IGSF9: variants seen among roughly 807,000 people sequenced by gnomAD.
IGSF9 encodes the protein immunoglobulin superfamily member 9.
In IGSF9, 87 loss-of-function variants were observed where a neutral mutation model predicts 121.7. The observed-to-expected ratio is 0.71, with a 90% CI of 0.60 to 0.85. IGSF9 has a LOEUF of 0.85. IGSF9 is among the 40% of genes least tolerant of loss of function. IGSF9 has a pLI of 0.00. For synonymous variants in IGSF9, 640 were observed against 648.4 expected, an observed-to-expected ratio of 0.99 and a Z score of 0.20; for missense variants, 1,462 against 1,565.3, an observed-to-expected ratio of 0.93 and a Z score of 1.11.
Position 159,930,755 on chromosome 1 carries a change from C to T in IGSF9, c.1750G>A (p.Val584Met), listed in dbSNP as rs757758969. 25 of 1,614,036 alleles carry T rather than the reference C, an allele frequency of 1.5e-5. No individual in the cohort carries two copies. Among genetic ancestry groups the T allele is most frequent in the South Asian group, 2.2e-5 (2 of 91,090 alleles). ...CTCCCCAGCTTGTTCTGAGCTAGCA[C>T]GCTGAACTGGTACTGGGTGTGGGGC... ...LQPHTQYQFS[V>M]LAQNKLGSGP... The change falls in exon 14 of 21, where the codon GTG becomes ATG. Residue 584 changes from valine to methionine, a missense_variant. Around this residue, in one of 3 missense-constraint regions of IGSF9, gnomAD observed 808 missense variants for 815.2 expected, o/e 0.99. Coordinates refer to ENST00000368094, the MANE Select transcript of IGSF9 (RefSeq NM_001135050.2).
At chr1:159,939,231 G>A (rs1442984920) in intron 3 of IGSF9, among the ~76,000 whole-genome samples, 1 of 152,038 alleles carries the variant, frequency 6.6e-6, no homozygotes, top group Admixed American at 6.5e-5. Flanking sequence ...AACAAATGGA[G>A]CTTTCTTTTT....
At position 159,930,337 on chromosome 1, in the gene IGSF9, A is replaced by AC. The variant is rs1392664646; in HGVS notation, c.1915dup (p.Val639GlyfsTer13). On this transcript the variant is annotated frameshift_variant, in exon 15 of 21. Coordinates refer to ENST00000368094, the MANE Select transcript of IGSF9 (RefSeq NM_001135050.2). LOFTEE classifies it high-confidence loss of function. Reference sequence around the variant, plus strand: ...CTCTGGGGGATCCCAATGCAGGAGTACCCCCCGGGGTGTCCTCACTGCCAC... The same window carrying AC: ...CTCTGGGGGATCCCAATGCAGGAGTACCCCCCCGGGGTGTCCTCACTGCCAC... The AC allele has an allele frequency of 6.2e-6, 10 of 1,611,378 alleles. No homozygotes were observed. The highest frequency in any genetic ancestry group is 4.5e-5 in the East Asian group (2 of 44,776).
Position 159,927,152 on chromosome 1 carries a change from C to T in IGSF9, c.*193G>A, listed in dbSNP as rs1447097670. 8.4e-6 allele frequency: 5 copies of T among 593,268 alleles called. No individual in the cohort carries two copies. Among genetic ancestry groups the T allele is most frequent in the Non-Finnish European group, 1.5e-5 (5 of 334,558 alleles). 36.8% of individuals were successfully genotyped at this position (593,268 alleles called of 1,614,324 possible). A position where few individuals can be genotyped will look rare whatever the true frequency, so the allele number is the denominator to read the frequency against. Reference sequence around the variant, plus strand: ...GAGAGGCAGACCTAAGATCCCTGTTCCAATCCCCAGACTCACCTAGGGGGT... The same window carrying T: ...GAGAGGCAGACCTAAGATCCCTGTTTCAATCCCCAGACTCACCTAGGGGGT... On this transcript the variant is annotated 3_prime_UTR_variant, in exon 21 of 21. Coordinates refer to ENST00000368094, the MANE Select transcript of IGSF9 (RefSeq NM_001135050.2).
intron 3 of IGSF9, among the ~76,000 whole-genome samples, chr1:159,939,747 AAG>A (rs1651315876): frequency 6.6e-6 from 1 of 152,232 alleles, no homozygotes; most frequent in African/African-American, 2.4e-5. Context: ...GATCTTAGCC[AAG>A]AGTCTTTTTC....
Position 159,930,165 on chromosome 1 carries a change from CTCTG to C in IGSF9, c.2064+20_2064+23del. On this transcript the variant is annotated intron_variant, in intron 15 of 20. Transcript: ENST00000368094. Reference sequence around the variant, plus strand: ...GCAGGAGAGCCCCTAGGAGGCCTCTCTCTGTATCGCCTTTCGCACATACCTTGAT... The same window carrying C: ...GCAGGAGAGCCCCTAGGAGGCCTCTCTATCGCCTTTCGCACATACCTTGAT... 6.3e-7 allele frequency: 1 copy of C among 1,579,090 alleles called. No homozygotes were observed. The highest frequency in any genetic ancestry group is 8.6e-7 in the Non-Finnish European group (1 of 1,159,214).
rs143442822 is a variant in IGSF9 at position 159,943,057 on chromosome 1, G to T, written c.153C>A (p.Pro51=). The T allele has an allele frequency of 1.3e-3, 2,087 of 1,613,350 alleles. 4 individuals are homozygous for T. Among genetic ancestry groups the T allele is most frequent in the Non-Finnish European group, 1.6e-3 (1,832 of 1,179,662 alleles). The change falls in exon 3 of 21, where the codon CCC becomes CCA. Residue 51 remains proline (P), a synonymous_variant. Coordinates refer to ENST00000368094, the MANE Select transcript of IGSF9 (RefSeq NM_001135050.2). The part of the protein sequence containing the change: ...CDLLPPAGRP[P]LHVIEWLRFG... ...AGCGCAGCCACTCGATGACATGCAG[G>T]GGGGGCCGGCCGGCCGGGGGCAGCA...
chr1:159,928,915 C>T lies in IGSF9; in HGVS notation c.2473G>A (p.Gly825Arg), dbSNP rs920606411. The T allele has an allele frequency of 4.4e-6, 7 of 1,587,836 alleles. No homozygotes were observed. In the Admixed American group the frequency reaches 7.2e-5, roughly 16 times the overall value. ...GGATCCGGGTGGGGGCTGGGAGTTC[C>T]GGCAGGATCCCCCCAGAGCAGACTC... The part of the protein sequence containing the change: ...RQSLLWGDPA[G>R]TPSPHPDPPS... The change falls in exon 19 of 21, where the codon GGA (glycine) becomes AGA (arginine). Residue 825 changes from glycine (G) to arginine (R), a missense_variant. Coordinates refer to ENST00000368094, the MANE Select transcript of IGSF9 (RefSeq NM_001135050.2).
chr1:159,932,658 A>G lies in IGSF9; in HGVS notation c.1105-6T>C. 1 of 1,608,702 alleles carries G rather than the reference A, an allele frequency of 6.2e-7. No homozygotes were observed. The highest frequency in any genetic ancestry group is 2.2e-5 in the East Asian group (1 of 44,760). On this transcript the variant is annotated splice_region_variant and splice_polypyrimidine_tract_variant and intron_variant, in intron 9 of 20. Coordinates refer to ENST00000368094, the MANE Select transcript of IGSF9 (RefSeq NM_001135050.2). The surrounding 1 kb of genome is among the most constrained non-coding windows in gnomAD (Gnocchi z 4.1). ...CCCTGGGACCAGCCAGGGAACTGGA[A>G]GGAAGAGAAGATGACAGCTAGAGAG... is the stretch of plus-strand genomic sequence containing the variant.
chr1:159,934,228 T>G lies in IGSF9; in HGVS notation c.1066A>C (p.Ser356Arg), dbSNP rs1291696765. The stretch of plus-strand genomic sequence containing the variant: ...AGGGCCTTTCCATCCTTGGTCCAGC[T>G]GACAAAGAGCAGTGGGGGGTTGGCA... ...VRANPPLLFV[S>R]WTKDGKALQL... The change falls in exon 9 of 21, where the codon AGC becomes CGC. Residue 356 changes from serine (S) to arginine (R), a missense_variant. By Grantham distance (110) the Ser-to-Arg change is moderately radical (BLOSUM62 -1). This residue lies in a region of IGSF9 where 558 missense variants were observed against 599.4 expected (regional missense o/e 0.93). Transcript: ENST00000368094. 1 of 1,614,010 alleles carries G rather than the reference T, an allele frequency of 6.2e-7. No homozygotes were observed. The highest frequency in any genetic ancestry group is 1.1e-5 in the South Asian group (1 of 91,012).
chr1:159,939,857 C>T (rs1252671021), intron 3 of IGSF9, among the ~76,000 whole-genome samples: 1 of 152,044 alleles, frequency 6.6e-6, no homozygotes, highest in Non-Finnish European at 1.5e-5. Context: ...AAGACTAGGC[C>T]CAGCGGGTAA....
At chr1:159,935,812 A>G (rs952275311) in intron 6 of IGSF9, among the ~76,000 whole-genome samples, 1 of 152,240 alleles carries the variant, frequency 6.6e-6, no homozygotes, top group South Asian at 2.1e-4. Flanking sequence ...AGGAGAGGCA[A>G]CATTCATATT....
Position 159,936,501 on chromosome 1 carries a change from G to A in IGSF9, c.571C>T (p.Leu191=). 6.2e-7 allele frequency: 1 copy of A among 1,614,026 alleles called. No individual in the cohort carries two copies. Among genetic ancestry groups the A allele is most frequent in the Non-Finnish European group, 8.5e-7 (1 of 1,179,990 alleles). Residue 191 remains leucine (L), a synonymous_variant, in exon 6 of 21, where the codon CTG becomes TTG. Coordinates refer to ENST00000368094, the MANE Select transcript of IGSF9 (RefSeq NM_001135050.2). ...CCTCGCTCTACCCGGCGGATCCGCA[G>A]CGTCCCGTTCTGCACCTAGGGAAGG... ...QGQVQVQNGT[L]RIRRVERGSS...
chr1:159,936,974 C>T (rs1651213846), intron 4 of IGSF9, 66 bp from the exon 5 acceptor site: 1 of 1,521,252 alleles, frequency 6.6e-7, no homozygotes, highest in South Asian at 1.2e-5. Context: ...TGTCCAAGGG[C>T]CAGGGAGACC....
intron 3 of IGSF9, among the ~76,000 whole-genome samples, chr1:159,939,862 G>A (rs58714841): frequency 0.1 from 15,395 of 151,990 alleles, 1,376 homozygotes; most frequent in African/African-American, 0.24. Context: ...TAGGCCCAGC[G>A]GGTAAATATT....
In IGSF9 at chr1:159,927,347, A is replaced by C. The variant is rs1037359503; in HGVS notation, c.3538T>G (p.Ter1180GlyextTer5). ...VPHPEQATLL[*>G] ...TCACAGCCTCACATCAGGGATGTTCACAGCAGAGTGGCCTGTTCGGGGTGG... is the reference window on the plus strand; with the variant it reads ...TCACAGCCTCACATCAGGGATGTTCCCAGCAGAGTGGCCTGTTCGGGGTGG... The change falls in exon 21 of 21, where the codon TGA (stop) becomes GGA (glycine). Residue 1180 changes from the stop codon to glycine, a stop_lost. Coordinates refer to ENST00000368094, the MANE Select transcript of IGSF9 (RefSeq NM_001135050.2). 4.3e-6 allele frequency: 7 copies of C among 1,613,456 alleles called. No homozygotes were observed. In the African/African-American group the frequency reaches 9.3e-5, roughly 22 times the overall value.
chr1:159,931,592 C>A lies in IGSF9; in HGVS notation c.1374G>T (p.Gly458=), dbSNP rs776767142. 3.7e-6 allele frequency: 6 copies of A among 1,613,550 alleles called. No homozygotes were observed. Among genetic ancestry groups the A allele is most frequent in the South Asian group, 2.2e-5 (2 of 91,076 alleles). Residue 458 remains glycine (G), a synonymous_variant, in exon 12 of 21, where the codon GGG becomes GGT. Coordinates refer to ENST00000368094, the MANE Select transcript of IGSF9 (RefSeq NM_001135050.2). The surrounding 1 kb of genome is among the most constrained non-coding windows in gnomAD (Gnocchi z 4.8). ...PVVSWTKVGR[G]LQGQAQVDSN... ...TGTCCACCTGGGCCTGGCCTTGCAG[C>A]CCCCGGCCCACCTACAGAACCACTG...
Position 159,934,498 on chromosome 1 carries a change from G to A in IGSF9, c.888C>T (p.Ala296=), listed in dbSNP as rs770269042. 49 of 1,612,352 alleles carry A rather than the reference G, an allele frequency of 3.0e-5. No individual in the cohort carries two copies. Among genetic ancestry groups the A allele is most frequent in the Admixed American group, 5.0e-5 (3 of 59,828 alleles). Residue 296 remains alanine (A), a synonymous_variant, in exon 8 of 21, where the codon GCC becomes GCT. Coordinates refer to ENST00000368094, the MANE Select transcript of IGSF9 (RefSeq NM_001135050.2). ...TGCTGGGCACACAGGTGTAGCAGCC[G>A]GCATCATCAGGCTGGGTGGCCAGCA... ...LRLLATQPDD[A]GCYTCVPSNG...
rs369558626 is a variant in IGSF9 at position 159,936,339 on chromosome 1, A to C, written c.673+60T>G. ...TATCTTGCTGTGAACCAATTCAGCC[A>C]CAGGTCACAGCCCCCTTGCATAGGT... On this transcript the variant is annotated intron_variant, in intron 6 of 20. Transcript: ENST00000368094. 64 of 1,438,766 alleles carry C rather than the reference A, an allele frequency of 4.4e-5. 1 individual carries two copies. The East Asian group carries it at 1.1e-3, about 25-fold the overall frequency. 89.1% of individuals were successfully genotyped at this position (1,438,766 alleles called of 1,614,324 possible). A position where few individuals can be genotyped will look rare whatever the true frequency, so the allele number is the denominator to read the frequency against.
intron 4 of IGSF9, among the ~76,000 whole-genome samples, chr1:159,937,464 G>T (rs1651231068): frequency 6.6e-6 from 1 of 152,082 alleles, no homozygotes; most frequent in Admixed American, 6.5e-5. Flanking sequence ...AGCCTAGAAG[G>T]CTGATTGAAT....
Sources: allele counts gnomAD v4.1 joint callset (sites outside exome capture counted in the v4.1 genomes callset), GRCh38; gene constraint gnomAD v4.1.1; regional missense constraint gnomAD v4.1.1; non-coding constraint Gnocchi (gnomAD v3.1); transcripts MANE v1.5; gene names NCBI Gene and HGNC (gene_info 2026-07-23, HGNC 2026-07-21).